PTPRD: variants seen among roughly 807,000 people sequenced by gnomAD.
PTPRD encodes the protein protein tyrosine phosphatase receptor type D.
Under a neutral mutation model 214.5 loss-of-function variants are expected in PTPRD, and 34 were observed. That is an observed-to-expected ratio of 0.16 (90% CI 0.12 to 0.21). PTPRD has a LOEUF of 0.21. PTPRD is among the 10% of genes least tolerant of loss of function. The pLI is 1.00. For synonymous variants in PTPRD, 1,128 were observed against 845.7 expected, an observed-to-expected ratio of 1.33 and a Z score of -5.79; for missense variants, 2,545 against 2,398.7, an observed-to-expected ratio of 1.06 and a Z score of -1.27.
intron 11 of PTPRD, among the ~76,000 whole-genome samples, chr9:9,011,855 C>T (rs569792471): frequency 9.9e-5 from 15 of 152,216 alleles, no homozygotes; most frequent in Admixed American, 3.3e-4. Flanking sequence ...AAGGTCTTTC[C>T]TTTGGTCTCT....
intron 5 of PTPRD, among the ~76,000 whole-genome samples, chr9:9,897,131 TACACACACAC>T (rs60964311): frequency 9.4e-5 from 14 of 148,966 alleles, no homozygotes; most frequent in Admixed American, 4.7e-4. Flanking sequence ...CTCTTACACT[TACACACACAC>T]ACACACACAC....
chr9:9,951,721 G>T (rs111244262), intron 4 of PTPRD, among the ~76,000 whole-genome samples: 1 of 152,214 alleles, frequency 6.6e-6, no homozygotes, highest in Non-Finnish European at 1.5e-5. Context: ...AGTATACTTT[G>T]AACGGGGAAG....
chr9:10,569,254 TAA>T (rs1330029923), intron 2 of PTPRD, among the ~76,000 whole-genome samples: 1 of 152,106 alleles, frequency 6.6e-6, no homozygotes, highest in Non-Finnish European at 1.5e-5. Flanking sequence ...TGGCGATGAT[TAA>T]AAAGTCAGGT....
chr9:9,720,042 C>T (rs780830706), intron 7 of PTPRD, among the ~76,000 whole-genome samples: 6 of 152,224 alleles, frequency 3.9e-5, no homozygotes, highest in South Asian at 2.1e-4. Flanking sequence ...GTTGGTAGCA[C>T]GAGCCAATCA....
intron 9 of PTPRD, among the ~76,000 whole-genome samples, chr9:9,209,016 G>T (rs1043946417): frequency 3.3e-5 from 5 of 151,980 alleles, no homozygotes; most frequent in African/African-American, 9.7e-5. Flanking sequence ...CACCATGTTT[G>T]CCAGGATGGT....
intron 2 of PTPRD, among the ~76,000 whole-genome samples, chr9:10,463,123 A>C (rs1046920689): frequency 6.6e-6 from 1 of 151,920 alleles, no homozygotes; most frequent in Non-Finnish European, 1.5e-5. Flanking sequence ...TGAGTTGAAA[A>C]TGGGTTCAGT....
At chr9:9,586,251 C>T (rs183766595) in intron 7 of PTPRD, among the ~76,000 whole-genome samples, 37 of 152,074 alleles carry the variant, frequency 2.4e-4, no homozygotes, top group Admixed American at 3.3e-4. Flanking sequence ...TTGCTGTAGA[C>T]CTCATTATTT....
chr9:9,843,825 G>A (rs906452893), intron 5 of PTPRD, among the ~76,000 whole-genome samples: 36 of 151,980 alleles, frequency 2.4e-4, no homozygotes, highest in African/African-American at 8.7e-4. Context: ...AACTGTGGCT[G>A]ATCTTCAATG....
chr9:10,371,232 TAC>T (rs1330114839), intron 2 of PTPRD, among the ~76,000 whole-genome samples: 1 of 151,962 alleles, frequency 6.6e-6, no homozygotes, highest in Admixed American at 6.6e-5. Flanking sequence ...TTAAATACCT[TAC>T]AGTCTCTCAT....
chr9:9,511,359 G>A (rs77606187), intron 8 of PTPRD, among the ~76,000 whole-genome samples: 2,760 of 151,796 alleles, frequency 0.018, 80 homozygotes, highest in African/African-American at 0.06. Flanking sequence ...CAATACAGCT[G>A]TTGTCTTTAA....
At chr9:10,456,023 T>A (rs930355070) in intron 2 of PTPRD, among the ~76,000 whole-genome samples, 2 of 151,788 alleles carry the variant, frequency 1.3e-5, no homozygotes. Context: ...CCAAAATTGT[T>A]TATGCCTCAG....
chr9:9,864,090 A>G (rs1416073340), intron 5 of PTPRD, among the ~76,000 whole-genome samples: 1 of 152,148 alleles, frequency 6.6e-6, no homozygotes, highest in African/African-American at 2.4e-5. Context: ...GGAACATTTG[A>G]GGTCAGGAGT....
intron 14 of PTPRD, among the ~76,000 whole-genome samples, chr9:8,540,591 C>A (rs1056192948): frequency 6.6e-6 from 1 of 152,092 alleles, no homozygotes; most frequent in Admixed American, 6.5e-5. Flanking sequence ...AGATAGAAGA[C>A]AAACTTTTTG....
chr9:9,275,184 T>A (rs1278305996), intron 9 of PTPRD, among the ~76,000 whole-genome samples: 6 of 21,462 alleles, frequency 2.8e-4, no homozygotes, highest in African/African-American at 1.1e-3. Flanking sequence ...AATATATATG[T>A]TATATATATA....
chr9:10,433,988 C>T (rs977514286), intron 2 of PTPRD, among the ~76,000 whole-genome samples: 2 of 151,680 alleles, frequency 1.3e-5, no homozygotes, highest in African/African-American at 4.8e-5. Context: ...CCAAAGACAC[C>T]TGTGATATTT....
chr9:8,316,558 A>G lies in PTPRD; in HGVS notation c.*1316T>C, dbSNP rs1821937382. 1 of 230,814 alleles carries G rather than the reference A, an allele frequency of 4.3e-6. No individual in the cohort carries two copies. The highest frequency in any genetic ancestry group is 1.8e-4 in the South Asian group (1 of 5,510). 14.3% of individuals were successfully genotyped at this position (230,814 alleles called of 1,614,324 possible). A position where few individuals can be genotyped will look rare whatever the true frequency, so the allele number is the denominator to read the frequency against. On this transcript the variant is annotated 3_prime_UTR_variant, in exon 46 of 46. Transcript: ENST00000381196. ...AACTCGATAGCTGATATATTACAAC[A>G]TTCTCCCCTCCTAAAGGGATATGCA... is the stretch of plus-strand genomic sequence containing the variant.
intron 9 of PTPRD, among the ~76,000 whole-genome samples, chr9:9,370,094 GCT>G (rs2139677533): frequency 6.6e-6 from 1 of 152,202 alleles, no homozygotes; most frequent in Admixed American, 6.6e-5. Context: ...GGCGATGCGG[GCT>G]CTTTTTTCGT....
intron 11 of PTPRD, among the ~76,000 whole-genome samples, chr9:8,922,423 C>T (rs1219717509): frequency 6.6e-6 from 1 of 152,166 alleles, no homozygotes; most frequent in Non-Finnish European, 1.5e-5. Context: ...ACTCCATGGT[C>T]GTATCCCTTA....
intron 12 of PTPRD, among the ~76,000 whole-genome samples, chr9:8,708,079 C>T (rs2098246155): frequency 6.6e-6 from 1 of 152,178 alleles, no homozygotes; most frequent in Non-Finnish European, 1.5e-5. Flanking sequence ...TCTAAGGCAC[C>T]TCTGAAATAA....
Sources: allele counts gnomAD v4.1 joint callset (sites outside exome capture counted in the v4.1 genomes callset), GRCh38; gene constraint gnomAD v4.1.1; transcripts MANE v1.5; gene names NCBI Gene and HGNC (gene_info 2026-07-23, HGNC 2026-07-21).